The following ATP8A2 variants were observed in gnomAD, a reference collection of about 807,000 sequenced individuals.
The protein encoded by ATP8A2 is ATPase phospholipid transporting 8A2, also known as phospholipid-transporting ATPase IB.
A neutral mutation model predicts 165.6 loss-of-function variants in ATP8A2; 100 were observed. The ratio of observed to expected loss-of-function variants is 0.60; its 90% CI spans 0.51 to 0.71. ATP8A2 has a LOEUF of 0.71. Among genes scored for constraint, ATP8A2 ranks in the 30% least tolerant of loss-of-function variants. The pLI is 0.00. For synonymous variants in ATP8A2, 543 were observed against 548.8 expected, an observed-to-expected ratio of 0.99 and a Z score of 0.15; for missense variants, 1,227 against 1,479.5, an observed-to-expected ratio of 0.83 and a Z score of 2.80.
intron 27 of ATP8A2, among the ~76,000 whole-genome samples, chr13:25,797,281 A>C (rs1304373894): frequency 6.6e-6 from 1 of 152,108 alleles, no homozygotes; most frequent in Non-Finnish European, 1.5e-5. Flanking sequence ...AAAATAAATA[A>C]ATAGCTAAAA....
At chr13:25,919,953 A>G (rs1035055647) in intron 33 of ATP8A2, among the ~76,000 whole-genome samples, 1 of 151,744 alleles carries the variant, frequency 6.6e-6, no homozygotes, top group Non-Finnish European at 1.5e-5. Flanking sequence ...GGCCTGGCTA[A>G]TTTTTCAACT....
At chr13:25,728,421 G>C (rs2043541727) in intron 25 of ATP8A2, among the ~76,000 whole-genome samples, 2 of 152,210 alleles carry the variant, frequency 1.3e-5, no homozygotes, top group Non-Finnish European at 2.9e-5. Context: ...CTTAGAGAGT[G>C]GGGGTAACAG....
chr13:25,656,247 C>A (rs1472737995), intron 24 of ATP8A2, among the ~76,000 whole-genome samples: 1 of 151,504 alleles, frequency 6.6e-6, no homozygotes, highest in African/African-American at 2.4e-5. Flanking sequence ...AAGTGATTCC[C>A]TAGTGAATCA....
At chr13:25,376,823 A>T (rs575973544) in intron 1 of ATP8A2, among the ~76,000 whole-genome samples, 2 of 152,376 alleles carry the variant, frequency 1.3e-5, no homozygotes, top group African/African-American at 4.8e-5. Context: ...TAGTCATCAC[A>T]GGAGAATTTA....
intron 24 of ATP8A2, among the ~76,000 whole-genome samples, chr13:25,637,193 A>T (rs945274323): frequency 6.6e-6 from 1 of 150,822 alleles, no homozygotes; most frequent in African/African-American, 2.4e-5. Context: ...GATGCAGAAG[A>T]TGGGTGATAT....
intron 26 of ATP8A2, among the ~76,000 whole-genome samples, chr13:25,773,873 T>A (rs1228048792): frequency 3.9e-5 from 6 of 152,192 alleles, no homozygotes; most frequent in Non-Finnish European, 7.4e-5. Context: ...TCTCTGTGTA[T>A]CTATGTGTGT....
intron 35 of ATP8A2, among the ~76,000 whole-genome samples, chr13:26,004,135 TG>T (rs1176263142): frequency 2.0e-5 from 3 of 152,150 alleles, no homozygotes; most frequent in Non-Finnish European, 4.4e-5. Flanking sequence ...ACAATAGTGT[TG>T]TTTTACAGTT....
intron 35 of ATP8A2, among the ~76,000 whole-genome samples, chr13:25,994,593 A>G (rs1186798163): frequency 6.6e-6 from 1 of 152,066 alleles, no homozygotes; most frequent in Non-Finnish European, 1.5e-5. Flanking sequence ...TTAACTCATG[A>G]ATGGGTGTTG....
chr13:25,768,079 G>GT (rs897411805), intron 25 of ATP8A2, among the ~76,000 whole-genome samples: 1 of 139,602 alleles, frequency 7.2e-6, no homozygotes, highest in South Asian at 2.4e-4. Context: ...GGTGGCGTGG[G>GT]GGGGGGGTGG....
intron 30 of ATP8A2, among the ~76,000 whole-genome samples, chr13:25,852,126 A>G (rs1480635568): frequency 2.6e-5 from 4 of 152,128 alleles, no homozygotes; most frequent in Non-Finnish European, 5.9e-5. Flanking sequence ...TCTTCAGTGT[A>G]TGTTCTCTGT....
chr13:25,975,560 G>C (rs989817266), intron 35 of ATP8A2, among the ~76,000 whole-genome samples: 16 of 151,768 alleles, frequency 1.1e-4, no homozygotes, highest in African/African-American at 3.9e-4. Flanking sequence ...CCAGCCTGGG[G>C]GACAGAGTGA....
intron 1 of ATP8A2, among the ~76,000 whole-genome samples, chr13:25,373,228 G>A (rs935926562): frequency 6.6e-6 from 1 of 152,170 alleles, no homozygotes; most frequent in African/African-American, 2.4e-5. Context: ...GTACAGTTTG[G>A]AGCTGGGGTC....
chr13:25,820,926 T>C (rs1461148498), intron 27 of ATP8A2, among the ~76,000 whole-genome samples: 3 of 152,186 alleles, frequency 2.0e-5, no homozygotes, highest in African/African-American at 7.2e-5. Context: ...TTTGTTTGTT[T>C]TGTTTATGTT....
intron 35 of ATP8A2, among the ~76,000 whole-genome samples, chr13:25,995,841 A>C (rs1391423599): frequency 2.0e-5 from 3 of 152,128 alleles, no homozygotes; most frequent in African/African-American, 7.2e-5. Context: ...ATGATTTTCC[A>C]TTTGTACTAT....
At chr13:25,569,409 T>TA (rs1358319370) in intron 16 of ATP8A2, among the ~76,000 whole-genome samples, 3 of 152,126 alleles carry the variant, frequency 2.0e-5, no homozygotes, top group Non-Finnish European at 4.4e-5. Flanking sequence ...CATTTATGAC[T>TA]AAAAAAACAG....
At chr13:25,515,222 C>T (rs1168686001) in intron 2 of ATP8A2, among the ~76,000 whole-genome samples, 4 of 152,228 alleles carry the variant, frequency 2.6e-5, no homozygotes, top group Non-Finnish European at 5.9e-5. Flanking sequence ...GGACTGGAAC[C>T]ATACCATTGG....
At chr13:25,689,146 GT>G (rs2042669267) in intron 24 of ATP8A2, among the ~76,000 whole-genome samples, 1 of 152,210 alleles carries the variant, frequency 6.6e-6, no homozygotes, top group African/African-American at 2.4e-5. Flanking sequence ...AAATAATTAA[GT>G]TGAGATTACC....
chr13:25,531,264 T>TATATATGTTATATATG (rs2038051647), intron 4 of ATP8A2, among the ~76,000 whole-genome samples: 1 of 99,000 alleles, frequency 1.0e-5, no homozygotes, highest in Non-Finnish European at 2.1e-5. Flanking sequence ...ATATATATGA[T>TATATATGTTATATATG]ATATATGATA....
intron 33 of ATP8A2, among the ~76,000 whole-genome samples, chr13:25,908,048 T>A (rs1001892489): frequency 1.3e-5 from 2 of 152,212 alleles, no homozygotes; most frequent in Non-Finnish European, 2.9e-5. Flanking sequence ...TGATGACAAA[T>A]GAACTCTACA....
Sources: allele counts gnomAD v4.1 joint callset (sites outside exome capture counted in the v4.1 genomes callset), GRCh38; gene constraint gnomAD v4.1.1; transcripts MANE v1.5; gene names NCBI Gene and HGNC (gene_info 2026-07-23, HGNC 2026-07-21).